Variants in ESRRG observed in about 807,000 individuals in gnomAD.
ESRRG encodes estrogen-related receptor gamma.
A neutral mutation model predicts 44.0 loss-of-function variants in ESRRG; 13 were observed. The ratio of observed to expected loss-of-function variants is 0.30; its 90% confidence interval spans 0.19 to 0.47. The LOEUF is 0.47. Among genes scored for constraint, ESRRG ranks in the 20% least tolerant of loss-of-function variants. ESRRG has a pLI of 1.00. For synonymous variants in ESRRG, 215 were observed against 214.6 expected (o/e 1.00, Z -0.02); for missense variants, 395 against 580.6 (o/e 0.68, Z 3.29).
chr1:216,899,164 A>T (rs767387871), intron 2 of ESRRG, among the ~76,000 whole-genome samples: 1 of 152,242 alleles, frequency 6.6e-6, no homozygotes, highest in Non-Finnish European at 1.5e-5. Context: ...AACTTTATAG[A>T]TAATGACAAG....
At chr1:216,768,489 T>TCTATCTATCTGTCTATCTAC in intron 2 of ESRRG, among the ~76,000 whole-genome samples, 1 of 151,860 alleles carries the variant, frequency 6.6e-6, no homozygotes, top group African/African-American at 2.4e-5. Context: ...TATCTATCTA[T>TCTATCTATCTGTCTATCTAC]CTATCTATCT....
At chr1:216,881,384 A>C (rs1175224850) in intron 2 of ESRRG, among the ~76,000 whole-genome samples, 1 of 152,146 alleles carries the variant, frequency 6.6e-6, no homozygotes, top group Non-Finnish European at 1.5e-5. Context: ...CATTTTTCAG[A>C]GATATTAACA....
chr1:216,915,155 C>A (rs1161808670), intron 2 of ESRRG, among the ~76,000 whole-genome samples: 1 of 152,136 alleles, frequency 6.6e-6, no homozygotes, highest in African/African-American at 2.4e-5. Flanking sequence ...CAGAGATTGC[C>A]ACACCACCTC....
At chr1:216,816,390 T>C (rs2095137823) in intron 2 of ESRRG, among the ~76,000 whole-genome samples, 1 of 152,202 alleles carries the variant, frequency 6.6e-6, no homozygotes, top group Non-Finnish European at 1.5e-5. Context: ...CAAAACATGT[T>C]GTGCCCAATA....
intron 3 of ESRRG, among the ~76,000 whole-genome samples, chr1:216,645,607 C>T: frequency 6.6e-6 from 1 of 152,042 alleles, no homozygotes; most frequent in Non-Finnish European, 1.5e-5. Context: ...CACAGTGGTT[C>T]ATGCCTGTAA....
chr1:216,584,857 G>T (rs921315708), intron 3 of ESRRG, among the ~76,000 whole-genome samples: 3 of 152,106 alleles, frequency 2.0e-5, no homozygotes, highest in African/African-American at 4.8e-5. Context: ...TTATTGCTGA[G>T]GATATGATTG....
chr1:216,921,115 T>C (rs1490766064), intron 2 of ESRRG, among the ~76,000 whole-genome samples: 1 of 152,280 alleles, frequency 6.6e-6, no homozygotes, highest in Non-Finnish European at 1.5e-5. Flanking sequence ...ATCCAGATAT[T>C]CAAAGAGTAT....
At chr1:216,684,743 T>A (rs1575269784) in intron 1 of ESRRG, among the ~76,000 whole-genome samples, 1 of 152,174 alleles carries the variant, frequency 6.6e-6, no homozygotes, top group East Asian at 1.9e-4. Context: ...ATAACTAACA[T>A]GATATTTAAC....
chr1:216,969,663 G>A (rs1346961810), intron 1 of ESRRG, among the ~76,000 whole-genome samples: 3 of 152,136 alleles, frequency 2.0e-5, no homozygotes, highest in African/African-American at 4.8e-5. Flanking sequence ...TCAGCTCACC[G>A]CAACCTCCGC....
At chr1:216,783,062 C>T (rs1364551524) in intron 2 of ESRRG, among the ~76,000 whole-genome samples, 1 of 151,834 alleles carries the variant, frequency 6.6e-6, no homozygotes, top group Non-Finnish European at 1.5e-5. Flanking sequence ...CTTACATTCC[C>T]ACTCAGAAGA....
chr1:216,970,980 T>G (rs919667420), intron 1 of ESRRG, among the ~76,000 whole-genome samples: 2 of 152,116 alleles, frequency 1.3e-5, no homozygotes, highest in African/African-American at 4.8e-5. Context: ...GACAGAAAGG[T>G]CACCCAGCCC....
At chr1:216,519,525 T>G in intron 5 of ESRRG, 104 bp from the exon 6 acceptor site, 1 of 1,112,446 alleles carries the variant, frequency 9.0e-7, no homozygotes, top group Non-Finnish European at 1.3e-6. Flanking sequence ...CTCAAAATTA[T>G]GCTGAGCTTT....
chr1:216,910,508 A>T (rs2060183283), intron 2 of ESRRG, among the ~76,000 whole-genome samples: 1 of 152,242 alleles, frequency 6.6e-6, no homozygotes, highest in South Asian at 2.1e-4. Flanking sequence ...AACTTTCACT[A>T]TATTTTCATA....
At chr1:216,806,171 C>G (rs546799826) in intron 2 of ESRRG, among the ~76,000 whole-genome samples, 1 of 152,170 alleles carries the variant, frequency 6.6e-6, no homozygotes, top group South Asian at 2.1e-4. Context: ...TGCTAAAGGC[C>G]GCAGCCTTTG....
chr1:217,006,257 T>G (rs942096397), intron 1 of ESRRG, among the ~76,000 whole-genome samples: 1 of 152,108 alleles, frequency 6.6e-6, no homozygotes, highest in Admixed American at 6.6e-5. Flanking sequence ...CTGAATAATA[T>G]GATGATTAGG....
chr1:216,598,095 T>G (rs2058693404), intron 3 of ESRRG, among the ~76,000 whole-genome samples: 1 of 152,204 alleles, frequency 6.6e-6, no homozygotes, highest in African/African-American at 2.4e-5. Context: ...CATATTAACT[T>G]ACCAAGATCA....
At chr1:216,672,022 AAAAGAAGGAAGGAAGGAAAG>A (rs977697376) in intron 2 of ESRRG, among the ~76,000 whole-genome samples, 2 of 144,870 alleles carry the variant, frequency 1.4e-5, no homozygotes, top group South Asian at 2.3e-4. Context: ...AAAAGAAAAG[AAAAGAAGGAAGGAAGGAAAG>A]AAAGAAGGAA....
chr1:216,928,462 C>T (rs1029203830), intron 2 of ESRRG, among the ~76,000 whole-genome samples: 3 of 152,162 alleles, frequency 2.0e-5, no homozygotes, highest in Admixed American at 6.5e-5. Flanking sequence ...TCTTCATTGC[C>T]TTCTTCACGT....
At chr1:217,083,842 T>A (rs1036704587) in intron 1 of ESRRG, among the ~76,000 whole-genome samples, 3 of 152,226 alleles carry the variant, frequency 2.0e-5, no homozygotes, top group Non-Finnish European at 4.4e-5. Context: ...ATATAGCCCA[T>A]GTTTACTATA....
Sources: allele counts gnomAD v4.1 joint callset (sites outside exome capture counted in the v4.1 genomes callset), GRCh38; gene constraint gnomAD v4.1.1; transcripts MANE v1.5; gene names NCBI Gene and HGNC (gene_info 2026-07-23, HGNC 2026-07-21).